The following PNPLA7 variants were observed in gnomAD, a reference collection of about 807,000 sequenced individuals.
The protein encoded by PNPLA7 is patatin like domain 7, lysophospholipase, also known as patatin-like phospholipase domain-containing protein 7.
PNPLA7 carries 153 observed loss-of-function variants against 161.7 expected under a neutral mutation model. The observed-to-expected ratio is 0.95, with a 90% CI of 0.83 to 1.08. The LOEUF is 1.08. Ranked by LOEUF, PNPLA7 falls within the 50% of genes least tolerant of loss-of-function variation. The probability of loss-of-function intolerance (pLI) is 0.00; values close to 1 mark genes in which losing one functional copy is unlikely to be tolerated. For missense variants in PNPLA7, 1,739 were observed against 1,856.6 expected, an observed-to-expected ratio of 0.94 and a Z score of 1.16; for synonymous variants, 809 against 782.1, an observed-to-expected ratio of 1.03 and a Z score of -0.57.
At chr9:137,466,328 C>T (rs1390560535) in intron 26 of PNPLA7, among the ~76,000 whole-genome samples, 1 of 152,022 alleles carries the variant, frequency 6.6e-6, no homozygotes, top group Non-Finnish European at 1.5e-5. Context: ...ACGGATCAGA[C>T]CGCCTCCCAT....
intron 19 of PNPLA7, among the ~76,000 whole-genome samples, chr9:137,493,345 T>C (rs1229480507): frequency 6.6e-6 from 1 of 152,222 alleles, no homozygotes; most frequent in African/African-American, 2.4e-5. Context: ...GGGTATGTCC[T>C]CTGTGACCGT....
At chr9:137,488,788 T>G (rs897785215) in intron 20 of PNPLA7, among the ~76,000 whole-genome samples, 1 of 117,866 alleles carries the variant, frequency 8.5e-6, no homozygotes, top group Admixed American at 1.1e-4. Flanking sequence ...AGGAAACCTC[T>G]TCACCAACTG....
chr9:137,480,641 G>T (rs1020762937), intron 22 of PNPLA7, 161 bp from the exon 23 acceptor site: 2 of 854,904 alleles, frequency 2.3e-6, no homozygotes, highest in African/African-American at 1.7e-5. Flanking sequence ...GAGTTATTCA[G>T]GGCCTAGGCA....
At chr9:137,491,445 T>G in intron 20 of PNPLA7, 1 of 980,402 alleles carries the variant, frequency 1.0e-6, no homozygotes, top group Non-Finnish European at 1.2e-6. Flanking sequence ...CCGGACACCT[T>G]CTACAAGAAA....
At chr9:137,480,552 A>G in intron 22 of PNPLA7, 72 bp from the exon 23 acceptor site, 1 of 1,506,380 alleles carries the variant, frequency 6.6e-7, no homozygotes. Flanking sequence ...CCCCGGGGCA[A>G]AGAGGCAGCA....
At chr9:137,497,583 A>C (rs1376771526) in intron 17 of PNPLA7, among the ~76,000 whole-genome samples, 1 of 152,266 alleles carries the variant, frequency 6.6e-6, no homozygotes, top group Non-Finnish European at 1.5e-5. Context: ...GCTGAAGTGC[A>C]GTGGCACGAC....
intron 12 of PNPLA7, among the ~76,000 whole-genome samples, chr9:137,506,514 C>T (rs1833930842): frequency 6.6e-6 from 1 of 152,146 alleles, no homozygotes. Flanking sequence ...ATGTGAGCTC[C>T]CCTAACGGGT....
chr9:137,510,099 G>A (rs559848284), intron 12 of PNPLA7, among the ~76,000 whole-genome samples: 29 of 152,284 alleles, frequency 1.9e-4, no homozygotes, highest in East Asian at 3.9e-4. Context: ...TGACGCCAGC[G>A]TCTGGGAAGA....
intron 24 of PNPLA7, 30 bp from the exon 25 acceptor site, chr9:137,478,182 T>G: frequency 7.9e-7 from 1 of 1,271,500 alleles, no homozygotes. Context: ...GCAGGGCTGG[T>G]GCAGGGCCCC....
chr9:137,478,436 C>T, intron 24 of PNPLA7: 1 of 319,512 alleles, frequency 3.1e-6, no homozygotes, highest in Non-Finnish European at 5.7e-6. Context: ...GGGTGGGGGG[C>T]CAGAAGGCAT....
At chr9:137,489,324 G>A (rs555830724) in intron 20 of PNPLA7, among the ~76,000 whole-genome samples, 5 of 152,202 alleles carry the variant, frequency 3.3e-5, no homozygotes, top group Admixed American at 6.5e-5. Flanking sequence ...CTCCACAAAC[G>A]TTGGCCAGGA....
chr9:137,516,653 T>A, intron 11 of PNPLA7: 1 of 408,470 alleles, frequency 2.4e-6, no homozygotes. Flanking sequence ...TACAAAAATT[T>A]AAAAATAAAA....
At chr9:137,482,574 G>C (rs987658722) in intron 21 of PNPLA7, among the ~76,000 whole-genome samples, 2 of 152,278 alleles carry the variant, frequency 1.3e-5, no homozygotes, top group Non-Finnish European at 2.9e-5. Flanking sequence ...GCAAGCCGGG[G>C]TGCTGGGTGA....
At chr9:137,544,675 C>T (rs1331501110) in intron 4 of PNPLA7, among the ~76,000 whole-genome samples, 1 of 152,094 alleles carries the variant, frequency 6.6e-6, no homozygotes, top group Non-Finnish European at 1.5e-5. Context: ...TGGAGTTTTG[C>T]TCTTGTTGCC....
intron 9 of PNPLA7, among the ~76,000 whole-genome samples, chr9:137,522,460 G>C (rs2132493188): frequency 6.6e-6 from 1 of 152,298 alleles, no homozygotes; most frequent in East Asian, 1.9e-4. Context: ...ACAGTGCTGG[G>C]GTTACAGGCG....
chr9:137,465,441 G>C (rs1268466798), intron 26 of PNPLA7, among the ~76,000 whole-genome samples: 1 of 152,214 alleles, frequency 6.6e-6, no homozygotes, highest in Non-Finnish European at 1.5e-5. Flanking sequence ...CACAGACGGA[G>C]GGACAGGGAG....
chr9:137,482,954 C>G (rs1832292867), intron 21 of PNPLA7, among the ~76,000 whole-genome samples: 1 of 152,200 alleles, frequency 6.6e-6, no homozygotes, highest in East Asian at 1.9e-4. Context: ...CTCACTGCAA[C>G]CTCCACTTCC....
intron 8 of PNPLA7, among the ~76,000 whole-genome samples, chr9:137,536,937 G>A (rs1046942934): frequency 3.3e-5 from 5 of 151,064 alleles, no homozygotes; most frequent in African/African-American, 9.8e-5. Context: ...GCCATCCTCC[G>A]AGCCACACTT....
Position 137,490,630 on chromosome 9 carries a change from G to A in PNPLA7, c.2197+2383C>T, listed in dbSNP as rs1051751391. Among the ~76,000 whole-genome samples, 2 of 152,144 alleles carry A rather than the reference G, an allele frequency of 1.3e-5. No individual in the cohort carries two copies. The highest frequency in any genetic ancestry group is 2.9e-5 in the Non-Finnish European group (2 of 68,028). On this transcript the variant is annotated intron_variant, in intron 20 of 34. Coordinates refer to ENST00000406427, the MANE Select transcript of PNPLA7 (RefSeq NM_001098537.3). The surrounding 1 kb of genome is among the most constrained non-coding windows in gnomAD (Gnocchi z 4.1). ...GATTCTCAGATGAGGGAAAGCAAGC[G>A]GATCTGCAGCCATCAGACCTTCTCT...
Sources: gnomAD v4.1 joint callset for allele counts (sites outside exome capture counted in the v4.1 genomes callset) on GRCh38, gnomAD v4.1.1 for gene constraint, Gnocchi (gnomAD v3.1) non-coding constraint, MANE v1.5 for transcripts, NCBI Gene and HGNC (gene_info 2026-07-23, HGNC 2026-07-21) for gene names.